Variants in KAZN observed in about 807,000 individuals in gnomAD.
KAZN encodes the protein kazrin, periplakin interacting protein.
KAZN carries 40 observed loss-of-function variants against 87.4 expected under a neutral mutation model. That is an observed-to-expected ratio of 0.46 (90% CI 0.36 to 0.60). KAZN has a LOEUF of 0.60. Among genes scored for constraint, KAZN ranks in the 20% least tolerant of loss-of-function variants. KAZN has a pLI of 0.00. For synonymous variants in KAZN, 466 were observed against 458.3 expected (o/e 1.02, Z -0.22); for missense variants, 898 against 1,073.9 (o/e 0.84, Z 2.29).
At chr1:14,086,509 A>G (rs1643861414) in intron 1 of KAZN, among the ~76,000 whole-genome samples, 1 of 152,182 alleles carries the variant, frequency 6.6e-6, no homozygotes, top group Non-Finnish European at 1.5e-5. Context: ...AGTATCTCAA[A>G]TATTAAAAGG....
At chr1:14,162,912 T>C (rs145832163) in intron 1 of KAZN, among the ~76,000 whole-genome samples, 2,438 of 152,326 alleles carry the variant, frequency 0.016, 40 homozygotes, top group South Asian at 0.036. Flanking sequence ...AACCATTTCC[T>C]AATTTTAGTC....
intron 1 of KAZN, among the ~76,000 whole-genome samples, chr1:14,021,368 TA>T (rs1640816575): frequency 6.6e-6 from 1 of 152,192 alleles, no homozygotes; most frequent in African/African-American, 2.4e-5. Context: ...TCTGAGACCA[TA>T]AGCAGACCTA....
chr1:14,613,281 G>C (rs1040587389), intron 1 of KAZN, among the ~76,000 whole-genome samples: 1 of 152,196 alleles, frequency 6.6e-6, no homozygotes, highest in Non-Finnish European at 1.5e-5. Context: ...CTGAGGCCGG[G>C]GATTGTACTC....
chr1:13,956,467 C>T (rs1570382296), intron 1 of KAZN, among the ~76,000 whole-genome samples: 1 of 151,882 alleles, frequency 6.6e-6, no homozygotes, highest in Middle Eastern at 3.4e-3. Flanking sequence ...CAAAACTGTC[C>T]TCCAATTCCC....
intron 2 of KAZN, among the ~76,000 whole-genome samples, chr1:14,527,870 C>T (rs1008711166): frequency 6.6e-6 from 1 of 152,148 alleles, no homozygotes; most frequent in African/African-American, 2.4e-5. Flanking sequence ...TATCAGGCCC[C>T]ACCTCCAACA....
At chr1:14,593,367 T>A (rs1007863374) in intron 2 of KAZN, among the ~76,000 whole-genome samples, 11 of 152,134 alleles carry the variant, frequency 7.2e-5, no homozygotes, top group Non-Finnish European at 1.3e-4. Context: ...GAAAGCAGAA[T>A]GGGATATAAA....
At chr1:15,107,916 A>G (rs1185769643) in intron 13 of KAZN, among the ~76,000 whole-genome samples, 1 of 152,178 alleles carries the variant, frequency 6.6e-6, no homozygotes. Context: ...GGCAAATTGT[A>G]TGCAGCCTGC....
At chr1:14,087,705 A>C (rs1643887031) in intron 1 of KAZN, among the ~76,000 whole-genome samples, 4 of 152,034 alleles carry the variant, frequency 2.6e-5, no homozygotes, top group Admixed American at 2.6e-4. Flanking sequence ...ATCTATTAAG[A>C]GAGTCAGACG....
chr1:14,791,885 T>C (rs1645686017), intron 1 of KAZN, among the ~76,000 whole-genome samples: 1 of 152,198 alleles, frequency 6.6e-6, no homozygotes, highest in African/African-American at 2.4e-5. Context: ...TGACTGTTGT[T>C]TCTGTGTGAT....
At chr1:14,477,757 A>G (rs1451057436) in intron 2 of KAZN, among the ~76,000 whole-genome samples, 4 of 152,072 alleles carry the variant, frequency 2.6e-5, no homozygotes, top group African/African-American at 9.7e-5. Flanking sequence ...TCCTGAGCAA[A>G]CCCCAAAGTG....
chr1:14,352,418 C>A (rs985137364), intron 2 of KAZN, among the ~76,000 whole-genome samples: 6 of 152,062 alleles, frequency 3.9e-5, no homozygotes, highest in African/African-American at 1.4e-4. Flanking sequence ...AGGAAAGCCG[C>A]CTGATTCTGA....
At chr1:14,102,183 C>T (rs879380406) in intron 1 of KAZN, among the ~76,000 whole-genome samples, 1 of 152,052 alleles carries the variant, frequency 6.6e-6, no homozygotes, top group African/African-American at 2.4e-5. Context: ...TCCAGAGTCC[C>T]GGGGAAGACG....
intron 2 of KAZN, among the ~76,000 whole-genome samples, chr1:14,207,647 C>A (rs1227211842): frequency 6.6e-6 from 1 of 152,052 alleles, no homozygotes; most frequent in Non-Finnish European, 1.5e-5. Flanking sequence ...TTTTTTGGCA[C>A]CCCTTTAAAT....
intron 2 of KAZN, among the ~76,000 whole-genome samples, chr1:14,416,200 C>T (rs1664744266): frequency 6.6e-6 from 1 of 152,172 alleles, no homozygotes; most frequent in Non-Finnish European, 1.5e-5. Context: ...GAATTAGGAG[C>T]TAAGCACCCC....
intron 2 of KAZN, among the ~76,000 whole-genome samples, chr1:14,485,903 A>C (rs2148399861): frequency 6.6e-6 from 1 of 152,136 alleles, no homozygotes; most frequent in South Asian, 2.1e-4. Context: ...AAAAAAAAAA[A>C]AAAAAAAAGT....
At chr1:13,922,936 C>T (rs1354859861) in intron 1 of KAZN, among the ~76,000 whole-genome samples, 4 of 152,194 alleles carry the variant, frequency 2.6e-5, no homozygotes, top group Non-Finnish European at 5.9e-5. Context: ...GACTTAGAAC[C>T]TAACTAATGA....
chr1:14,325,201 G>A (rs1483387017), intron 2 of KAZN, among the ~76,000 whole-genome samples: 1 of 151,938 alleles, frequency 6.6e-6, no homozygotes, highest in Admixed American at 6.6e-5. Context: ...TTTTCACCTC[G>A]GATATTCTTG....
intron 2 of KAZN, among the ~76,000 whole-genome samples, chr1:14,367,465 G>A (rs879376337): frequency 2.6e-5 from 4 of 152,092 alleles, no homozygotes; most frequent in Admixed American, 2.6e-4. Context: ...GGACAGGATG[G>A]GGGGCGGGCT....
intron 1 of KAZN, among the ~76,000 whole-genome samples, chr1:14,113,475 A>G (rs72862579): frequency 0.039 from 5,959 of 152,258 alleles, 399 homozygotes; most frequent in African/African-American, 0.13. Context: ...CTGAGATCTG[A>G]AAGAGAAGGA....
Sources: gnomAD v4.1 joint callset for allele counts (sites outside exome capture counted in the v4.1 genomes callset) on GRCh38, gnomAD v4.1.1 for gene constraint, MANE v1.5 for transcripts, NCBI Gene and HGNC (gene_info 2026-07-23, HGNC 2026-07-21) for gene names.